Variants in CNTNAP2 observed in about 807,000 individuals in gnomAD.
CNTNAP2 encodes the protein contactin-associated protein-like 2.
A neutral mutation model predicts 155.2 loss-of-function variants in CNTNAP2; 98 were observed. That is an observed-to-expected ratio of 0.63 (90% CI 0.54 to 0.75). The LOEUF (loss-of-function observed/expected upper bound fraction) is 0.75. CNTNAP2 is among the 30% of genes least tolerant of loss of function. The pLI is 0.00. For missense variants in CNTNAP2, 1,727 were observed against 1,688.1 expected, an observed-to-expected ratio of 1.02 and a Z score of -0.40; for synonymous variants, 651 against 631.2, an observed-to-expected ratio of 1.03 and a Z score of -0.47.
intron 4 of CNTNAP2, among the ~76,000 whole-genome samples, chr7:147,083,656 T>C (rs1013180183): frequency 6.9e-6 from 1 of 143,988 alleles, no homozygotes; most frequent in African/African-American, 2.6e-5. Flanking sequence ...TATAATGCTA[T>C]ATATACATAT....
chr7:147,015,051 T>G (rs181451522), intron 3 of CNTNAP2, among the ~76,000 whole-genome samples: 11 of 152,222 alleles, frequency 7.2e-5, no homozygotes, highest in Admixed American at 5.9e-4. Flanking sequence ...TAACTTTAAT[T>G]GTGCTCAATG....
intron 1 of CNTNAP2, among the ~76,000 whole-genome samples, chr7:146,424,454 G>T (rs760363674): frequency 1.3e-5 from 2 of 152,136 alleles, no homozygotes; most frequent in Non-Finnish European, 2.9e-5. Context: ...CAACGTGTAC[G>T]AAATGTCTAC....
intron 1 of CNTNAP2, among the ~76,000 whole-genome samples, chr7:146,365,835 AG>A (rs1795147611): frequency 6.6e-6 from 1 of 152,216 alleles, no homozygotes; most frequent in African/African-American, 2.4e-5. Context: ...CCAGAAATAA[AG>A]GGGCTGCTTC....
intron 15 of CNTNAP2, among the ~76,000 whole-genome samples, chr7:147,983,512 A>G (rs1801568681): frequency 6.6e-6 from 1 of 152,188 alleles, no homozygotes; most frequent in Non-Finnish European, 1.5e-5. Context: ...TAAGCCAAAG[A>G]TGAGTGGCCA....
At chr7:146,612,788 T>C (rs1331237317) in intron 1 of CNTNAP2, among the ~76,000 whole-genome samples, 2 of 152,302 alleles carry the variant, frequency 1.3e-5, no homozygotes, top group Non-Finnish European at 2.9e-5. Context: ...CTTTGGCCTT[T>C]CCTTAATCTG....
At chr7:146,675,763 A>G (rs1800387875) in intron 1 of CNTNAP2, among the ~76,000 whole-genome samples, 1 of 152,242 alleles carries the variant, frequency 6.6e-6, no homozygotes, top group African/African-American at 2.4e-5. Flanking sequence ...CTTTTTCAAA[A>G]GTTCTGTGGA....
chr7:146,360,940 A>G (rs576022170), intron 1 of CNTNAP2, among the ~76,000 whole-genome samples: 6 of 152,332 alleles, frequency 3.9e-5, no homozygotes, highest in Non-Finnish European at 8.8e-5. Context: ...AAGACACTAT[A>G]CACTTGTCAG....
intron 13 of CNTNAP2, among the ~76,000 whole-genome samples, chr7:147,691,653 C>T (rs770504302): frequency 2.8e-4 from 42 of 152,030 alleles, no homozygotes; most frequent in Non-Finnish European, 4.9e-4. Context: ...TAGTAAAATC[C>T]GTTAACTTAT....
At chr7:147,262,274 A>G (rs541200761) in intron 8 of CNTNAP2, among the ~76,000 whole-genome samples, 1 of 152,344 alleles carries the variant, frequency 6.6e-6, no homozygotes, top group East Asian at 1.9e-4. Context: ...CTAAAGCTCA[A>G]GCATTGAAAG....
At chr7:146,519,607 GTTC>G (rs1797588970) in intron 1 of CNTNAP2, among the ~76,000 whole-genome samples, 1 of 151,838 alleles carries the variant, frequency 6.6e-6, no homozygotes, top group Non-Finnish European at 1.5e-5. Context: ...CCATTTTGTA[GTTC>G]ATTGTTGCAG....
intron 1 of CNTNAP2, among the ~76,000 whole-genome samples, chr7:146,650,384 T>A (rs535259188): frequency 2.0e-5 from 3 of 152,288 alleles, no homozygotes; most frequent in African/African-American, 7.2e-5. Context: ...TGAGTTCATG[T>A]CCTTTGCAGG....
chr7:147,178,063 G>A (rs1433484734), intron 8 of CNTNAP2, among the ~76,000 whole-genome samples: 4 of 151,994 alleles, frequency 2.6e-5, no homozygotes, highest in African/African-American at 7.2e-5. Flanking sequence ...CCCCCACCAC[G>A]AAGATATCCA....
intron 1 of CNTNAP2, among the ~76,000 whole-genome samples, chr7:146,714,030 CATTATT>C (rs923551474): frequency 2.0e-5 from 3 of 152,058 alleles, no homozygotes; most frequent in Non-Finnish European, 4.4e-5. Context: ...AAAATTGACT[CATTATT>C]CTTATTATTC....
chr7:147,897,154 G>A lies in CNTNAP2; in HGVS notation c.2099-6411G>A, dbSNP rs140038027. 6 of 152,254 alleles carry A rather than the reference G, an allele frequency of 3.9e-5. No homozygotes were observed. The East Asian group carries it at 9.6e-4, about 24-fold the overall frequency. The allele number at this position is 152,254 out of a possible 1,614,324, so 9.4% of individuals were successfully genotyped here. A position where few individuals can be genotyped will look rare whatever the true frequency, so the allele number is the denominator to read the frequency against. ...TCTCATTCTGAAGGTAAAGCTGATTGTTATCTTCTCCTTTTACTGAGAATG... is the reference window on the plus strand; with the variant it reads ...TCTCATTCTGAAGGTAAAGCTGATTATTATCTTCTCCTTTTACTGAGAATG... On this transcript the variant is annotated intron_variant, in intron 13 of 23. Transcript: ENST00000361727.
intron 21 of CNTNAP2, among the ~76,000 whole-genome samples, chr7:148,296,545 C>CACAAAAAAAAAA (rs1797289591): frequency 1.3e-5 from 1 of 76,608 alleles, no homozygotes; most frequent in South Asian, 7.1e-4. Flanking sequence ...GACTCTGTCT[C>CACAAAAAAAAAA]AAAAAAAAAA....
chr7:146,678,819 A>G (rs941704189), intron 1 of CNTNAP2, among the ~76,000 whole-genome samples: 3 of 152,210 alleles, frequency 2.0e-5, no homozygotes, highest in Non-Finnish European at 4.4e-5. Context: ...TTGAAAATCC[A>G]ATTACAGGTA....
At chr7:147,072,699 G>C (rs922011896) in intron 4 of CNTNAP2, among the ~76,000 whole-genome samples, 1 of 152,050 alleles carries the variant, frequency 6.6e-6, no homozygotes, top group Non-Finnish European at 1.5e-5. Context: ...TGTCAGTCTG[G>C]TTTTACCTGG....
At chr7:147,260,437 A>T (rs984793044) in intron 8 of CNTNAP2, among the ~76,000 whole-genome samples, 9 of 152,198 alleles carry the variant, frequency 5.9e-5, no homozygotes, top group African/African-American at 2.2e-4. Context: ...AAATTTTTTT[A>T]AAAAGCCTTG....
intron 1 of CNTNAP2, among the ~76,000 whole-genome samples, chr7:146,400,266 TAA>T (rs10618573): frequency 0.36 from 53,736 of 148,710 alleles, 10,086 homozygotes; most frequent in African/African-American, 0.47. Flanking sequence ...GCTATTCTAG[TAA>T]AAAAAAAAAA....
Sources: allele counts gnomAD v4.1 joint callset (sites outside exome capture counted in the v4.1 genomes callset), GRCh38; gene constraint gnomAD v4.1.1; transcripts MANE v1.5; gene names NCBI Gene and HGNC (gene_info 2026-07-23, HGNC 2026-07-21).